The following LCA5L variants were observed in gnomAD, a reference collection of about 807,000 sequenced individuals.
The protein encoded by LCA5L is lebercilin-like protein.
A neutral mutation model predicts 45.4 loss-of-function variants in LCA5L; 35 were observed. The observed-to-expected ratio is 0.77, with a 90% confidence interval of 0.59 to 1.02. The LOEUF is 1.02. Ranked by LOEUF, LCA5L falls within the 50% of genes least tolerant of loss-of-function variation. LCA5L has a pLI of 0.00. For missense variants in LCA5L, 668 were observed against 761.6 expected (o/e 0.88, Z 1.45); for synonymous variants, 233 against 264.7 (o/e 0.88, Z 1.16).
intron 2 of LCA5L, among the ~76,000 whole-genome samples, chr21:39,438,209 A>G (rs1051585105): frequency 1.3e-5 from 2 of 152,314 alleles, no homozygotes; most frequent in African/African-American, 4.8e-5. Flanking sequence ...ACAAACAAAT[A>G]CATATGGTAA....
chr21:39,416,068 T>C lies in LCA5L; in HGVS notation c.976-4266A>G, dbSNP rs887247071. On this transcript the variant is annotated intron_variant, in intron 7 of 10. Transcript: ENST00000288350. Reference sequence around the variant, plus strand: ...GTTTCCAAAATAGTGACAATTCTAATCCTGTCATTCCTTCTTCATTATTGA... The same window carrying C: ...GTTTCCAAAATAGTGACAATTCTAACCCTGTCATTCCTTCTTCATTATTGA... Among the ~76,000 whole-genome samples, 5 of 152,356 alleles carry C rather than the reference T, an allele frequency of 3.3e-5. No homozygotes were observed. The East Asian group carries it at 7.7e-4, about 23-fold the overall frequency.
At chr21:39,440,021 A>T (rs957106508) in intron 2 of LCA5L, among the ~76,000 whole-genome samples, 4 of 152,188 alleles carry the variant, frequency 2.6e-5, no homozygotes, top group Non-Finnish European at 5.9e-5. Flanking sequence ...GGAGTTATAT[A>T]CAGTTACAGA....
intron 7 of LCA5L, among the ~76,000 whole-genome samples, chr21:39,419,336 G>A (rs1695260952): frequency 6.6e-6 from 1 of 151,940 alleles, no homozygotes; most frequent in African/African-American, 2.4e-5. Context: ...ACCAGCCTGG[G>A]CAACACAGCG....
intron 2 of LCA5L, among the ~76,000 whole-genome samples, chr21:39,436,504 T>C (rs1268080915): frequency 6.6e-6 from 1 of 152,202 alleles, no homozygotes; most frequent in Non-Finnish European, 1.5e-5. Flanking sequence ...TTTTTTGAGA[T>C]GGAGTCTCAC....
At chr21:39,410,818 T>C (rs1416647332) in intron 8 of LCA5L, 1 of 471,052 alleles carries the variant, frequency 2.1e-6, no homozygotes, top group Non-Finnish European at 4.4e-6. Context: ...AACCCCTCGG[T>C]TGATTCATTG....
At position 39,417,974 on chromosome 21, in the gene LCA5L, G is replaced by T. The variant is rs1284006637; in HGVS notation, c.975+2732C>A. 3.3e-5 allele frequency among the ~76,000 whole-genome samples: 5 copies of T among 152,138 alleles called. No individual in the cohort carries two copies. The East Asian group carries it at 9.7e-4, about 29-fold the overall frequency. ...GTAGAGATGGGGTTTCGCCGTGTTT[G>T]CCAGGATTGTCTCCATCTCCTGACC... On this transcript the variant is annotated intron_variant, in intron 7 of 10. Coordinates refer to ENST00000288350, the MANE Select transcript of LCA5L (RefSeq NM_152505.4).
In LCA5L at chr21:39,405,931, G is replaced by C; in HGVS notation, c.1964C>G (p.Ser655Cys). The C allele has an allele frequency of 1.2e-6, 2 of 1,611,228 alleles. No individual in the cohort carries two copies. Among genetic ancestry groups the C allele is most frequent in the Admixed American group, 1.7e-5 (1 of 59,702 alleles). Reference protein sequence around the residue: ...FGDSKVTVVNSIKPSSPTEGK... With the variant: ...FGDSKVTVVNCIKPSSPTEGK... ...TTCTGTAGGTGACGATGGCTTAATAGAATTTACCACAGTTACTTTAGAGTC... is the reference window on the plus strand; with the variant it reads ...TTCTGTAGGTGACGATGGCTTAATACAATTTACCACAGTTACTTTAGAGTC... The change falls in exon 11 of 11, where the codon TCT (serine) becomes TGT (cysteine). Residue 655 changes from serine to cysteine, a missense_variant. Ser to Cys is a moderately radical substitution (Grantham distance 112). Transcript: ENST00000288350.
At chr21:39,414,960 G>A (rs566349799) in intron 7 of LCA5L, among the ~76,000 whole-genome samples, 5 of 152,194 alleles carry the variant, frequency 3.3e-5, no homozygotes, top group African/African-American at 1.2e-4. Context: ...TGCCCAGGCT[G>A]GAGTGCAGTG....
intron 7 of LCA5L, among the ~76,000 whole-genome samples, chr21:39,419,466 A>G (rs1859672387): frequency 6.7e-6 from 1 of 148,962 alleles, no homozygotes; most frequent in Non-Finnish European, 1.5e-5. Flanking sequence ...TCGAGGCTGC[A>G]GTGAGCCAGG....
At chr21:39,420,600 A>T in intron 7 of LCA5L, 106 bp downstream of exon 7, 3 of 888,462 alleles carry the variant, frequency 3.4e-6, no homozygotes, top group Non-Finnish European at 5.1e-6. Context: ...GGAGCCTTAT[A>T]TATGTATGTA....
At chr21:39,437,066 T>C (rs1312869535) in intron 2 of LCA5L, among the ~76,000 whole-genome samples, 1 of 152,206 alleles carries the variant, frequency 6.6e-6, no homozygotes, top group Non-Finnish European at 1.5e-5. Context: ...GAATATTAAG[T>C]GTCCAATAAA....
chr21:39,428,598 A>ATATATATATATATATATATATTTATTTT (rs1242243392), intron 4 of LCA5L, 95 bp from the exon 5 acceptor site: 1 of 32,036 alleles, frequency 3.1e-5, no homozygotes, highest in Non-Finnish European at 5.8e-5. Context: ...ATATATATAT[A>ATATATATATATATATATATATTTATTTT]TTTTTTTTTT....
intron 1 of LCA5L, among the ~76,000 whole-genome samples, chr21:39,445,091 C>A: frequency 2.9e-5 from 1 of 34,464 alleles, no homozygotes; most frequent in African/African-American, 1.1e-4. Context: ...AGCTCACATT[C>A]AGCCGTGAAA....
intron 2 of LCA5L, among the ~76,000 whole-genome samples, chr21:39,437,582 C>T (rs139854651): frequency 6.6e-6 from 1 of 152,120 alleles, no homozygotes; most frequent in African/African-American, 2.4e-5. Context: ...ACCTCAGTCT[C>T]CCGGGTAGCT....
intron 5 of LCA5L, among the ~76,000 whole-genome samples, chr21:39,427,393 T>C (rs2074913290): frequency 1.3e-5 from 2 of 152,160 alleles, no homozygotes; most frequent in African/African-American, 4.8e-5. Context: ...CCGGGCGCGG[T>C]GGCTCACGCC....
chr21:39,420,637 T>C (rs2042143744), intron 7 of LCA5L, 69 bp downstream of exon 7: 4 of 1,339,272 alleles, frequency 3.0e-6, no homozygotes, highest in East Asian at 2.4e-5. Flanking sequence ...AAAGATATAA[T>C]AGACATAAAT....
At chr21:39,412,597 T>C (rs1448762031) in intron 7 of LCA5L, among the ~76,000 whole-genome samples, 1 of 150,302 alleles carries the variant, frequency 6.7e-6, no homozygotes, top group African/African-American at 2.5e-5. Flanking sequence ...CAGACGTGCA[T>C]GTGCACACAC....
At chr21:39,411,033 C>G in intron 8 of LCA5L, 1 of 431,480 alleles carries the variant, frequency 2.3e-6, no homozygotes, top group Non-Finnish European at 4.7e-6. Flanking sequence ...AAGACCTCAC[C>G]AATGAGAGGT....
chr21:39,422,746 A>C, intron 6 of LCA5L: 4 of 549,312 alleles, frequency 7.3e-6, no homozygotes, highest in Non-Finnish European at 6.3e-6. Context: ...CACAGAGTGA[A>C]CTCTTGTGCA....
Sources: gnomAD v4.1 joint callset for allele counts (sites outside exome capture counted in the v4.1 genomes callset) on GRCh38, gnomAD v4.1.1 for gene constraint, MANE v1.5 for transcripts, NCBI Gene and HGNC (gene_info 2026-07-23, HGNC 2026-07-21) for gene names.